Variants in IL5RA observed in about 807,000 individuals in gnomAD.
IL5RA encodes interleukin 5 receptor subunit alpha.
IL5RA carries 49 observed loss-of-function variants against 50.0 expected under a neutral mutation model. That is an observed-to-expected ratio of 0.98 (90% CI 0.78 to 1.24). IL5RA has a LOEUF of 1.24. Among genes scored for constraint, IL5RA ranks in the 50% most tolerant of loss-of-function variants. The pLI is 0.00. For missense variants in IL5RA, 600 were observed against 500.4 expected (o/e 1.20, Z -1.90); for synonymous variants, 202 against 174.0 (o/e 1.16, Z -1.26).
intron 7 of IL5RA, among the ~76,000 whole-genome samples, chr3:3,096,194 C>G (rs768989449): frequency 4.0e-5 from 6 of 151,696 alleles, no homozygotes; most frequent in Non-Finnish European, 8.8e-5. Context: ...AGGAGAATGG[C>G]GTGAACCCAG....
At position 3,099,829 on chromosome 3, in the gene IL5RA, T is replaced by A. The variant is rs576722686; in HGVS notation, c.368-1539A>T. On this transcript the variant is annotated intron_variant, in intron 5 of 11. Coordinates refer to ENST00000446632, the MANE Select transcript of IL5RA (RefSeq NM_175726.4). ...GGATTACAGGCACGTGCCACCACAC[T>A]CAGCTAATTTTTGTATATTTAGTAG... is the stretch of plus-strand genomic sequence containing the variant. Among the ~76,000 whole-genome samples the A allele has an allele frequency of 3.5e-4, 53 of 151,794 alleles. No individual in the cohort carries two copies. In the East Asian group the frequency reaches 0.01, roughly 30 times the overall value.
chr3:3,078,880 T>C (rs1161324650), intron 9 of IL5RA, among the ~76,000 whole-genome samples: 2 of 152,086 alleles, frequency 1.3e-5, no homozygotes, highest in Non-Finnish European at 2.9e-5. Flanking sequence ...GGCTGCTTCA[T>C]TTCCCAGCTC....
At chr3:3,074,917 CT>C (rs1315503232) in intron 10 of IL5RA, 51 bp from the exon 11 acceptor site, 1 of 1,072,314 alleles carries the variant, frequency 9.3e-7, no homozygotes, top group East Asian at 2.4e-5. Flanking sequence ...TACCTTTTGT[CT>C]CTAAATATCT....
intron 9 of IL5RA, among the ~76,000 whole-genome samples, chr3:3,077,132 C>T (rs1015380026): frequency 1.3e-5 from 2 of 152,176 alleles, no homozygotes; most frequent in African/African-American, 4.8e-5. Context: ...AAGTGCTTTT[C>T]AATCTTAAAT....
In IL5RA at chr3:3,102,762, A is replaced by G; in HGVS notation, c.141T>C (p.Leu47=). The G allele has an allele frequency of 3.1e-6, 5 of 1,612,184 alleles. No homozygotes were observed. The highest frequency in any genetic ancestry group is 4.2e-6 in the Non-Finnish European group (5 of 1,178,682). The part of the protein sequence containing the change: ...TIKVTGLAQV[L]LQWKPNPDQE... ...GATCAGGATTTGGTTTCCATTGTAAAAGAACTTGAGCCAAACCAGTAACTT... is the reference window on the plus strand; with the variant it reads ...GATCAGGATTTGGTTTCCATTGTAAGAGAACTTGAGCCAAACCAGTAACTT... Residue 47 remains leucine, a synonymous_variant, in exon 4 of 12, where the codon CTT becomes CTC. Coordinates refer to ENST00000446632, the MANE Select transcript of IL5RA (RefSeq NM_175726.4).
intron 9 of IL5RA, among the ~76,000 whole-genome samples, chr3:3,089,095 G>T (rs527476939): frequency 1.3e-5 from 2 of 152,242 alleles, no homozygotes; most frequent in East Asian, 1.9e-4. Context: ...AGGGAGGAGG[G>T]GAGGGAGGGG....
chr3:3,077,182 A>G (rs1429550394), intron 9 of IL5RA, among the ~76,000 whole-genome samples: 1 of 152,234 alleles, frequency 6.6e-6, no homozygotes, highest in East Asian at 1.9e-4. Context: ...CATTTTACAG[A>G]CATGAAAGGA....
At chr3:3,094,471 A>G (rs1432857751) in intron 8 of IL5RA, among the ~76,000 whole-genome samples, 1 of 152,192 alleles carries the variant, frequency 6.6e-6, no homozygotes, top group Non-Finnish European at 1.5e-5. Context: ...ATAATATCCT[A>G]TTATATGTAT....
chr3:3,102,641 C>G lies in IL5RA; in HGVS notation c.228+34G>C, dbSNP rs952043958. The stretch of plus-strand genomic sequence containing the variant: ...AATGCAGTCAAAATGCATATTTATT[C>G]TCAATAAGGATATCCATTAGAATAA... On this transcript the variant is annotated intron_variant, in intron 4 of 11. Coordinates refer to ENST00000446632, the MANE Select transcript of IL5RA (RefSeq NM_175726.4). 2.1e-6 allele frequency: 3 copies of G among 1,411,634 alleles called. No homozygotes were observed. In the African/African-American group the frequency reaches 4.4e-5, roughly 21 times the overall value. The allele number at this position is 1,411,634 out of a possible 1,614,324, so 87.4% of individuals were successfully genotyped here. A position where few individuals can be genotyped will look rare whatever the true frequency, so the allele number is the denominator to read the frequency against.
intron 9 of IL5RA, among the ~76,000 whole-genome samples, chr3:3,085,203 G>A (rs1702807270): frequency 6.6e-6 from 1 of 152,226 alleles, no homozygotes; most frequent in Non-Finnish European, 1.5e-5. Flanking sequence ...ACCACAATAA[G>A]CTGTGTTAGT....
At position 3,102,397 on chromosome 3, in the gene IL5RA, A is replaced by G. The variant is rs1703692652; in HGVS notation, c.228+278T>C. Among the ~76,000 whole-genome samples, 3 of 152,248 alleles carry G rather than the reference A, an allele frequency of 2.0e-5. No homozygotes were observed. In the South Asian group the frequency reaches 6.2e-4, roughly 31 times the overall value. On this transcript the variant is annotated intron_variant, in intron 4 of 11. Coordinates refer to ENST00000446632, the MANE Select transcript of IL5RA (RefSeq NM_175726.4). ...GTAATTTTATGGGAAACAGAAAACC[A>G]GTACCCAATCCATGGTGCCTAAAAA...
At chr3:3,103,025 C>G (rs1703728810) in intron 3 of IL5RA, 1 of 430,010 alleles carries the variant, frequency 2.3e-6, no homozygotes, top group African/African-American at 2.1e-5. Flanking sequence ...CAGGCGCATG[C>G]CACCATGCTG....
chr3:3,081,021 G>C (rs1702646634), intron 9 of IL5RA, among the ~76,000 whole-genome samples: 1 of 151,536 alleles, frequency 6.6e-6, no homozygotes, highest in Non-Finnish European at 1.5e-5. Flanking sequence ...TTTTTTTCAA[G>C]TTTTTTTTTG....
chr3:3,083,244 G>C lies in IL5RA; in HGVS notation c.995-6617C>G, dbSNP rs73120800. 9.7e-3 allele frequency among the ~76,000 whole-genome samples: 1,479 copies of C among 152,282 alleles called. 28 individuals are homozygous for C. Among genetic ancestry groups the C allele is most frequent in the African/African-American group, 0.034 (1,410 of 41,530 alleles). On this transcript the variant is annotated intron_variant, in intron 9 of 11. Transcript: ENST00000446632. Reference sequence around the variant, plus strand: ...GAGCTTTCAAGGCAGCTGTCAAATGGACTGTGGGAGGTACCTGGTTTAGAG... The same window carrying C: ...GAGCTTTCAAGGCAGCTGTCAAATGCACTGTGGGAGGTACCTGGTTTAGAG...
chr3:3,068,038 C>A lies in IL5RA; in HGVS notation c.*2187G>T, dbSNP rs77502057. The A allele has an allele frequency of 0.02, 3,093 of 152,352 alleles. 103 individuals carry two copies. The highest frequency in any genetic ancestry group is 0.069 in the African/African-American group (2,865 of 41,550). 9.4% of individuals were successfully genotyped at this position (152,352 alleles called of 1,614,324 possible). ...TGGGGACAGGACTTTTCTGTCACAT[C>A]TTCCTTCAGCGGCTGATTTTCAAAT... On this transcript the variant is annotated 3_prime_UTR_variant, in exon 12 of 12. Transcript: ENST00000446632.
In IL5RA at chr3:3,107,520, G is replaced by A. The variant is rs370538309; in HGVS notation, c.-4+1030C>T. ...CTTCATTAGCTTAAACATATATATC[G>A]ACAATATGTTCGACTCATTCTTCTC... On this transcript the variant is annotated intron_variant, in intron 2 of 11. Transcript: ENST00000446632. Among the ~76,000 whole-genome samples, 204 of 152,040 alleles carry A rather than the reference G, an allele frequency of 1.3e-3. 4 individuals carry two copies. Among genetic ancestry groups the A allele is most frequent in the Middle Eastern group, 6.8e-3 (2 of 294 alleles).
At chr3:3,105,108 GT>G (rs1489256587) in intron 2 of IL5RA, 121 bp from the exon 3 acceptor site, 1 of 634,540 alleles carries the variant, frequency 1.6e-6, no homozygotes, top group Non-Finnish European at 2.9e-6. Flanking sequence ...TGGCATATTT[GT>G]TATGCGCAAA....
chr3:3,109,323 C>G (rs531029522), intron 1 of IL5RA, among the ~76,000 whole-genome samples: 5 of 152,160 alleles, frequency 3.3e-5, no homozygotes, highest in Non-Finnish European at 4.4e-5. Flanking sequence ...AAAGAAAAAG[C>G]AGAACGCCTC....
intron 7 of IL5RA, among the ~76,000 whole-genome samples, 190 bp from the exon 8 acceptor site, chr3:3,095,634 T>C (rs1227090684): frequency 2.0e-5 from 3 of 152,230 alleles, no homozygotes; most frequent in Admixed American, 6.5e-5. Context: ...TCTTGTCTTA[T>C]AGTGCTGAAG....
Sources: gnomAD v4.1 joint callset for allele counts (sites outside exome capture counted in the v4.1 genomes callset) on GRCh38, gnomAD v4.1.1 for gene constraint, MANE v1.5 for transcripts, NCBI Gene and HGNC (gene_info 2026-07-23, HGNC 2026-07-21) for gene names.